The following MMS19 variants were observed in gnomAD, a reference collection of about 807,000 sequenced individuals.
MMS19 encodes MMS19 cytosolic iron-sulfur assembly component, also known as MMS19 nucleotide excision repair protein homolog.
Under a neutral mutation model 129.8 loss-of-function variants are expected in MMS19, and 77 were observed. The observed-to-expected ratio is 0.59, with a 90% confidence interval of 0.49 to 0.72. The LOEUF (loss-of-function observed/expected upper bound fraction) is 0.72, where lower values mean the gene tolerates loss of function less well. MMS19 is among the 30% of genes least tolerant of loss of function. The pLI is 0.00. For synonymous variants in MMS19, 491 were observed against 502.8 expected, an observed-to-expected ratio of 0.98 and a Z score of 0.31; for missense variants, 1,168 against 1,266.3, an observed-to-expected ratio of 0.92 and a Z score of 1.18.
chr10:97,466,890 G>C lies in MMS19; in HGVS notation c.1309C>G (p.Leu437Val). The C allele has an allele frequency of 6.2e-7, 1 of 1,613,948 alleles. No homozygotes were observed. The highest frequency in any genetic ancestry group is 1.1e-5 in the South Asian group (1 of 91,074). The change falls in exon 15 of 31, where the codon CTG becomes GTG. Residue 437 changes from leucine to valine, a missense_variant. By Grantham distance (32) the Leu-to-Val change is conservative (BLOSUM62 1). This residue lies in a region of MMS19 where 831 missense variants were observed against 910.8 expected (regional missense o/e 0.91). Coordinates refer to ENST00000438925, the MANE Select transcript of MMS19 (RefSeq NM_022362.5). ...CACAGCTGGTCCTTGAAGCCATTCA[G>C]AGGCCTTTGATCTAGGGAAGAGACA... The part of the protein sequence containing the change: ...WSYEDKDQRP[L>V]NGFKDQLCSL...
Position 97,462,046 on chromosome 10 carries a change from T to A in MMS19, c.2086A>T (p.Ser696Cys). The part of the protein sequence containing the change: ...DGNVSFLPEN[S>C]FPSRFQPFQD... ...AATGGCTGGAATCTGCTCGGGAAGC[T>A]GTTTTCAGGCAGAAAGGACACGTTG... is the stretch of plus-strand genomic sequence containing the variant. The change falls in exon 21 of 31, where the codon AGC becomes TGC. Residue 696 changes from serine to cysteine, a missense_variant. Around this residue, in one of 3 missense-constraint regions of MMS19, gnomAD observed 831 missense variants for 910.8 expected, o/e 0.91. Transcript: ENST00000438925. 6.3e-7 allele frequency: 1 copy of A among 1,594,002 alleles called. No individual in the cohort carries two copies. Among genetic ancestry groups the A allele is most frequent in the Non-Finnish European group, 8.5e-7 (1 of 1,170,160 alleles).
At chr10:97,492,936 A>G (rs1170526032) in intron 1 of MMS19, among the ~76,000 whole-genome samples, 3 of 150,754 alleles carry the variant, frequency 2.0e-5, no homozygotes, top group Admixed American at 1.3e-4. Context: ...GTACCATGTT[A>G]GGGCTTAAGA....
intron 1 of MMS19, among the ~76,000 whole-genome samples, chr10:97,495,994 T>C (rs2039712732): frequency 6.6e-6 from 1 of 152,164 alleles, no homozygotes; most frequent in Non-Finnish European, 1.5e-5. Flanking sequence ...TTGGCCAGGC[T>C]GGTCTCAAAC....
chr10:97,482,564 G>GTTTCTTT (rs2036986966), intron 2 of MMS19, among the ~76,000 whole-genome samples: 1 of 152,018 alleles, frequency 6.6e-6, no homozygotes, highest in Non-Finnish European at 1.5e-5. Flanking sequence ...ATGGGCATGG[G>GTTTCTTT]TTTCTTTCTG....
In MMS19 at chr10:97,467,591, G is replaced by A. The variant is rs1468301311; in HGVS notation, c.1219-8C>T. On this transcript the variant is annotated splice_region_variant and splice_polypyrimidine_tract_variant and intron_variant, in intron 13 of 30. Transcript: ENST00000438925. ...TGTCCGCCGCTGGCTGCTCTGTAAC[G>A]TTTCAAGGGGTACTAGAGTCAAAGA... The A allele has an allele frequency of 3.1e-6, 5 of 1,612,910 alleles. No homozygotes were observed. The highest frequency in any genetic ancestry group is 3.3e-4 in the Middle Eastern group (2 of 6,054).
intron 2 of MMS19, 58 bp downstream of exon 2, chr10:97,484,045 A>G (rs1481974332): frequency 1.7e-6 from 2 of 1,200,966 alleles, no homozygotes; most frequent in Non-Finnish European, 2.4e-6. Flanking sequence ...CGCAAAAGTA[A>G]CTTTTCAGAA....
In MMS19 at chr10:97,464,017, T is replaced by C. The variant is rs1347489679; in HGVS notation, c.1757-4A>G. On this transcript the variant is annotated splice_region_variant and splice_polypyrimidine_tract_variant and intron_variant, in intron 18 of 30. Coordinates refer to ENST00000438925, the MANE Select transcript of MMS19 (RefSeq NM_022362.5). The stretch of plus-strand genomic sequence containing the variant: ...CTGGATTGTGCAACCATATTCCCTG[T>C]TGATGAGAAAGTGTTCTCTGTAAGG... 1.2e-6 allele frequency: 2 copies of C among 1,611,418 alleles called. No individual in the cohort carries two copies. The highest frequency in any genetic ancestry group is 1.7e-5 in the Admixed American group (1 of 59,570).
chr10:97,476,989 A>G, intron 6 of MMS19, 26 bp from the exon 7 acceptor site: 1 of 1,613,516 alleles, frequency 6.2e-7, no homozygotes, highest in South Asian at 1.1e-5. Flanking sequence ...TAAGGTTACT[A>G]TACTGTCCCA....
intron 1 of MMS19, among the ~76,000 whole-genome samples, chr10:97,494,281 G>A (rs767326595): frequency 5.3e-5 from 8 of 152,210 alleles, no homozygotes; most frequent in Non-Finnish European, 1.0e-4. Flanking sequence ...CAAGGCACCA[G>A]TTTGTGTGGG....
At chr10:97,485,913 T>A (rs920100723) in intron 1 of MMS19, among the ~76,000 whole-genome samples, 2 of 152,182 alleles carry the variant, frequency 1.3e-5, no homozygotes, top group Admixed American at 1.3e-4. Context: ...GAAAACAGCA[T>A]GGAGGTTTCT....
chr10:97,477,104 T>G, intron 6 of MMS19, 141 bp from the exon 7 acceptor site: 1 of 1,516,146 alleles, frequency 6.6e-7, no homozygotes, highest in South Asian at 1.3e-5. Context: ...AAGAAAGTAC[T>G]CAGTGAAGAG....
rs753350329 is a variant in MMS19 at position 97,469,062 on chromosome 10, C to T, written c.967G>A (p.Ala323Thr). ...ASERVEAEGL[A>T]ALHSLTACLS... ...CACGCAGTCAGGGAGTGGAGGGCCG[C>T]CAGGCCCTCTGCCTCCACCCGCTCA... is the stretch of plus-strand genomic sequence containing the variant. Residue 323 changes from alanine to threonine, a missense_variant, in exon 12 of 31, where the codon GCG becomes ACG. Physicochemically the swap from Ala to Thr is moderately conservative, Grantham distance 58. This residue lies in a region of MMS19 where 831 missense variants were observed against 910.8 expected (regional missense o/e 0.91). Transcript: ENST00000438925. 2 of 1,582,478 alleles carry T rather than the reference C, an allele frequency of 1.3e-6. No individual in the cohort carries two copies. Among genetic ancestry groups the T allele is most frequent in the South Asian group, 2.3e-5 (2 of 86,818 alleles).
chr10:97,496,176 C>A (rs1405759199), intron 1 of MMS19, among the ~76,000 whole-genome samples: 2 of 152,156 alleles, frequency 1.3e-5, no homozygotes, highest in African/African-American at 4.8e-5. Context: ...ACAGTTTAGA[C>A]CATTTTTTTT....
chr10:97,485,240 T>TGCCTCAGCCTCCC (rs1482418874), intron 1 of MMS19, among the ~76,000 whole-genome samples: 1 of 152,000 alleles, frequency 6.6e-6, no homozygotes, highest in African/African-American at 2.4e-5. Context: ...GCGATTCTCC[T>TGCCTCAGCCTCCC]GCCTCAGCCT....
intron 12 of MMS19, 74 bp downstream of exon 12, chr10:97,468,892 A>C: frequency 6.7e-7 from 1 of 1,492,072 alleles, no homozygotes. Context: ...TACAGGCGTG[A>C]GCCACCGCAC....
At chr10:97,472,537 G>A (rs997440412) in intron 8 of MMS19, among the ~76,000 whole-genome samples, 8 of 152,164 alleles carry the variant, frequency 5.3e-5, no homozygotes, top group Admixed American at 2.0e-4. Flanking sequence ...ACCACGCCCA[G>A]CCAATAACTA....
intron 27 of MMS19, 38 bp from the exon 28 acceptor site, chr10:97,459,564 A>T (rs370482861): frequency 1.9e-6 from 3 of 1,606,590 alleles, no homozygotes; most frequent in Non-Finnish European, 1.7e-6. Flanking sequence ...TGGCCACATC[A>T]TGAAGATCCT....
intron 1 of MMS19, among the ~76,000 whole-genome samples, chr10:97,490,377 G>A (rs890506328): frequency 6.6e-6 from 1 of 152,142 alleles, no homozygotes; most frequent in Non-Finnish European, 1.5e-5. Context: ...ACTGCACCTG[G>A]CCTTTAAATG....
chr10:97,483,923 G>A (rs1255361932), intron 2 of MMS19, among the ~76,000 whole-genome samples, 180 bp downstream of exon 2: 1 of 152,248 alleles, frequency 6.6e-6, no homozygotes, highest in East Asian at 1.9e-4. Flanking sequence ...CAGACAGCAT[G>A]AAACTTTTTT....
Sources: allele counts gnomAD v4.1 joint callset (sites outside exome capture counted in the v4.1 genomes callset), GRCh38; gene constraint gnomAD v4.1.1; regional missense constraint gnomAD v4.1.1; transcripts MANE v1.5; gene names NCBI Gene and HGNC (gene_info 2026-07-23, HGNC 2026-07-21).